Variants in C9orf85 observed in about 807,000 individuals in gnomAD.
C9orf85 encodes chromosome 9 open reading frame 85.
A neutral mutation model predicts 14.9 loss-of-function variants in C9orf85; 16 were observed. That is an observed-to-expected ratio of 1.08 (90% CI 0.73 to 1.63). The LOEUF is 1.63. Ranked by LOEUF, C9orf85 falls within the 40% of genes most tolerant of loss-of-function variation. The pLI is 0.00. For missense variants in C9orf85, 172 were observed against 186.1 expected (o/e 0.92, Z 0.44); for synonymous variants, 45 against 56.8 (o/e 0.79, Z 0.93).
chr9:71,940,278 ACAGGGTGGGGC>A (rs1828296257), intron 1 of C9orf85, among the ~76,000 whole-genome samples: 1 of 152,176 alleles, frequency 6.6e-6, no homozygotes, highest in Non-Finnish European at 1.5e-5. Context: ...CAAAGAAAAT[ACAGGGTGGGGC>A]CAGGCACAGT....
intron 2 of C9orf85, among the ~76,000 whole-genome samples, chr9:71,951,758 C>G (rs1822250801): frequency 6.6e-6 from 1 of 151,944 alleles, no homozygotes; most frequent in African/African-American, 2.4e-5. Context: ...TAAATGAAAA[C>G]CATTCATTAC....
chr9:71,913,239 A>C (rs1827561177), intron 1 of C9orf85, among the ~76,000 whole-genome samples: 1 of 152,172 alleles, frequency 6.6e-6, no homozygotes, highest in Non-Finnish European at 1.5e-5. Context: ...GTTTTTGGTA[A>C]CCTGTGATCT....
rs556703093 is a variant in C9orf85, at chr9:71,914,364, G to A, written c.102+2528G>A. ...TTTAAGCTCATCAGTTGTCATTAGT[G>A]TTAGTGTATTTTATGTGTGGCCCAA... On this transcript the variant is annotated intron_variant, in intron 1 of 3. Coordinates refer to ENST00000334731, the MANE Select transcript of C9orf85 (RefSeq NM_182505.5). Among the ~76,000 whole-genome samples, 13 of 151,838 alleles carry A rather than the reference G, an allele frequency of 8.6e-5. No individual in the cohort carries two copies. In the South Asian group the frequency reaches 2.7e-3, roughly 32 times the overall value.
chr9:71,916,462 T>A (rs1827653070), intron 1 of C9orf85, among the ~76,000 whole-genome samples: 1 of 152,092 alleles, frequency 6.6e-6, no homozygotes, highest in Non-Finnish European at 1.5e-5. Context: ...TTGGAATAAA[T>A]CAATGTTTTG....
At chr9:71,983,448 G>A (rs1823143231), downstream of C9orf85, 1 of 152,158 alleles carries the variant, frequency 6.6e-6, no homozygotes, top group African/African-American at 2.4e-5. Context: ...TCCTTTATCA[G>A]ATATAATTTG....
intron 2 of C9orf85, among the ~76,000 whole-genome samples, chr9:71,952,387 CG>C (rs1822267432): frequency 6.6e-6 from 1 of 152,042 alleles, no homozygotes; most frequent in African/African-American, 2.4e-5. Flanking sequence ...TTTTTTGAGA[CG>C]GAGTCTCGCT....
intron 3 of C9orf85, 41 bp from the exon 4 acceptor site, chr9:71,972,651 T>C: frequency 2.1e-6 from 3 of 1,438,120 alleles, no homozygotes; most frequent in Non-Finnish European, 2.9e-6. Flanking sequence ...TAAATAATGA[T>C]AGCCTGGGAA....
chr9:71,979,484 G>A (rs1001780980), intron 3 of C9orf85, among the ~76,000 whole-genome samples: 2 of 152,056 alleles, frequency 1.3e-5, no homozygotes, highest in Admixed American at 6.6e-5. Context: ...TGAAACTCTT[G>A]GATGGAGGTA....
chr9:71,944,820 A>G (rs1822041226), intron 1 of C9orf85, among the ~76,000 whole-genome samples: 1 of 152,160 alleles, frequency 6.6e-6, no homozygotes, highest in Non-Finnish European at 1.5e-5. Context: ...TAACACATAA[A>G]AATCAAGTTT....
At chr9:71,921,934 A>G (rs966533572) in intron 1 of C9orf85, among the ~76,000 whole-genome samples, 3 of 142,262 alleles carry the variant, frequency 2.1e-5, no homozygotes, top group South Asian at 4.5e-4. Flanking sequence ...TTTTTTTATT[A>G]TTATTATTAT....
intron 2 of C9orf85, among the ~76,000 whole-genome samples, chr9:71,964,844 C>T (rs1217840946): frequency 2.0e-5 from 3 of 152,118 alleles, no homozygotes; most frequent in Non-Finnish European, 4.4e-5. Flanking sequence ...AGCTGTGGGT[C>T]ACGGAAGAGA....
chr9:71,912,828 G>C (rs1827548258), intron 1 of C9orf85, among the ~76,000 whole-genome samples: 1 of 152,052 alleles, frequency 6.6e-6, no homozygotes, highest in Non-Finnish European at 1.5e-5. Context: ...TGGTTGCAGT[G>C]AGCTGAGATC....
At chr9:71,965,477 T>G (rs151070381) in intron 2 of C9orf85, among the ~76,000 whole-genome samples, 48 of 152,300 alleles carry the variant, frequency 3.2e-4, no homozygotes, top group Middle Eastern at 6.8e-3. Flanking sequence ...GTCTCCAGTT[T>G]CCCAAACTAG....
intron 1 of C9orf85, 127 bp from the exon 2 acceptor site, chr9:71,946,879 C>A: frequency 3.7e-6 from 2 of 539,340 alleles, no homozygotes; most frequent in Non-Finnish European, 6.5e-6. Flanking sequence ...CATAATATAT[C>A]ATAAATTGTT....
chr9:71,967,195 T>C (rs777233720), intron 2 of C9orf85, among the ~76,000 whole-genome samples: 7 of 152,266 alleles, frequency 4.6e-5, no homozygotes, highest in Non-Finnish European at 8.8e-5. Flanking sequence ...TGTATAATTC[T>C]TGATTTTATA....
intron 1 of C9orf85, among the ~76,000 whole-genome samples, chr9:71,945,840 CT>C (rs1478755593): frequency 4.6e-5 from 7 of 151,712 alleles, no homozygotes; most frequent in African/African-American, 1.2e-4. Context: ...TTTTAAATGT[CT>C]TCTGCTCATT....
downstream of C9orf85, chr9:71,985,747 T>C (rs1271591228): frequency 6.6e-6 from 1 of 152,166 alleles, no homozygotes; most frequent in African/African-American, 2.4e-5. Context: ...TCTTCAAAGC[T>C]AAAGGTCAGT....
chr9:71,962,042 T>C lies in C9orf85; in HGVS notation c.210-9463T>C, dbSNP rs140713300. 1.8e-3 allele frequency among the ~76,000 whole-genome samples: 278 copies of C among 152,234 alleles called. 1 individual carries two copies. Among genetic ancestry groups the C allele is most frequent in the African/African-American group, 6.0e-3 (250 of 41,536 alleles). On this transcript the variant is annotated intron_variant, in intron 2 of 3. Coordinates refer to ENST00000334731, the MANE Select transcript of C9orf85 (RefSeq NM_182505.5). ...TTAGCTAGGCGTGGTGACGTGCTCC[T>C]GTAGTTCCAGCTATTCTGGAGGCTG... is the stretch of plus-strand genomic sequence containing the variant.
chr9:71,972,049 T>C (rs926947430), intron 3 of C9orf85, among the ~76,000 whole-genome samples: 17 of 151,534 alleles, frequency 1.1e-4, no homozygotes, highest in African/African-American at 3.1e-4. Flanking sequence ...CAAACTAATA[T>C]AGACTTTTAA....
Sources: allele counts gnomAD v4.1 joint callset (sites outside exome capture counted in the v4.1 genomes callset), GRCh38; gene constraint gnomAD v4.1.1; transcripts MANE v1.5; gene names NCBI Gene and HGNC (gene_info 2026-07-23, HGNC 2026-07-21).